The following SOX5 variants were observed in gnomAD, a reference collection of about 807,000 sequenced individuals.
SOX5 encodes SRY-box transcription factor 5.
SOX5 carries 9 observed loss-of-function variants against 92.0 expected under a neutral mutation model. The ratio of observed to expected loss-of-function variants is 0.10; its 90% CI spans 0.06 to 0.17. The LOEUF (loss-of-function observed/expected upper bound fraction) is 0.17. Ranked by LOEUF, SOX5 falls within the 10% of genes least tolerant of loss-of-function variation. The pLI, the probability that SOX5 is intolerant of heterozygous loss-of-function variation, is 1.00. For synonymous variants in SOX5, 344 were observed against 336.3 expected, an observed-to-expected ratio of 1.02 and a Z score of -0.25; for missense variants, 642 against 944.5, an observed-to-expected ratio of 0.68 and a Z score of 4.20.
At chr12:23,621,132 T>C (rs896874940) in intron 8 of SOX5, among the ~76,000 whole-genome samples, 5 of 152,050 alleles carry the variant, frequency 3.3e-5, no homozygotes, top group Non-Finnish European at 5.9e-5. Flanking sequence ...AGAACTAAAG[T>C]CATTCTTAAA....
At chr12:23,770,441 C>G (rs1433630570) in intron 3 of SOX5, among the ~76,000 whole-genome samples, 2 of 152,162 alleles carry the variant, frequency 1.3e-5, no homozygotes, top group East Asian at 1.9e-4. Flanking sequence ...AATTCAAACA[C>G]TGTGTGTGTG....
At chr12:24,449,161 G>A (rs112509460) in intron 1 of SOX5, among the ~76,000 whole-genome samples, 2,090 of 152,186 alleles carry the variant, frequency 0.014, 17 homozygotes, top group Non-Finnish European at 0.023. Flanking sequence ...CAATCAGAGG[G>A]AAGACTACAC....
intron 4 of SOX5, among the ~76,000 whole-genome samples, chr12:23,979,331 C>A (rs549911316): frequency 1.8e-4 from 27 of 152,102 alleles, no homozygotes; most frequent in Non-Finnish European, 3.5e-4. Context: ...TCAAGTGATT[C>A]TCCTGCCTTA....
intron 2 of SOX5, among the ~76,000 whole-genome samples, chr12:24,299,638 G>A (rs1040338525): frequency 3.0e-4 from 46 of 152,270 alleles, no homozygotes; most frequent in African/African-American, 1.1e-3. Flanking sequence ...AGTTTATGTG[G>A]TAGCATTTTT....
At chr12:24,096,908 C>T (rs1196578711) in intron 4 of SOX5, among the ~76,000 whole-genome samples, 1 of 152,000 alleles carries the variant, frequency 6.6e-6, no homozygotes, top group Non-Finnish European at 1.5e-5. Context: ...GAATTGCTAT[C>T]CCATATGGTA....
intron 11 of SOX5, among the ~76,000 whole-genome samples, chr12:23,548,388 C>A (rs981379173): frequency 5.9e-5 from 9 of 151,906 alleles, no homozygotes; most frequent in African/African-American, 2.2e-4. Flanking sequence ...ACTAATGCAC[C>A]CAATATTAAT....
At chr12:24,552,022 G>T (rs903395061) in intron 1 of SOX5, among the ~76,000 whole-genome samples, 9 of 152,076 alleles carry the variant, frequency 5.9e-5, no homozygotes, top group Non-Finnish European at 1.0e-4. Flanking sequence ...CTTCAGTCTG[G>T]CCTGTTAAAA....
chr12:24,501,280 TC>T (rs1263270582), intron 1 of SOX5, among the ~76,000 whole-genome samples: 3 of 151,640 alleles, frequency 2.0e-5, no homozygotes, highest in African/African-American at 7.3e-5. Context: ...TGCATTATTT[TC>T]CACAAAGATG....
chr12:23,809,450 A>T (rs1346018198), intron 3 of SOX5, among the ~76,000 whole-genome samples: 2 of 152,080 alleles, frequency 1.3e-5, no homozygotes, highest in Non-Finnish European at 2.9e-5. Context: ...AATTTATTCA[A>T]CACCAGTATT....
chr12:23,762,612 A>AG, intron 3 of SOX5: 1 of 429,226 alleles, frequency 2.3e-6, no homozygotes, highest in South Asian at 2.9e-5. Flanking sequence ...TAATACAAAA[A>AG]GAAAAAAAAA....
intron 1 of SOX5, among the ~76,000 whole-genome samples, chr12:24,434,043 C>T (rs1938921197): frequency 3.9e-5 from 6 of 152,142 alleles, no homozygotes; most frequent in Admixed American, 3.9e-4. Context: ...AGAACAGTCT[C>T]TCGGAATCAA....
At chr12:24,374,710 C>A (rs769875100) in intron 1 of SOX5, among the ~76,000 whole-genome samples, 3 of 152,126 alleles carry the variant, frequency 2.0e-5, no homozygotes, top group Non-Finnish European at 2.9e-5. Context: ...AGGGTAGAGA[C>A]CAGATTAGGG....
intron 1 of SOX5, among the ~76,000 whole-genome samples, chr12:24,536,698 T>C (rs542604651): frequency 6.6e-6 from 1 of 152,292 alleles, no homozygotes; most frequent in Non-Finnish European, 1.5e-5. Context: ...CTAGCACCAG[T>C]TCTTGAAAAC....
chr12:24,317,164 A>G (rs1949770306), intron 2 of SOX5, among the ~76,000 whole-genome samples: 1 of 152,222 alleles, frequency 6.6e-6, no homozygotes, highest in Non-Finnish European at 1.5e-5. Context: ...AACAATGAGC[A>G]CTGACTATAA....
chr12:24,014,105 T>A (rs1443573418), intron 4 of SOX5, among the ~76,000 whole-genome samples: 1 of 152,180 alleles, frequency 6.6e-6, no homozygotes, highest in Non-Finnish European at 1.5e-5. Context: ...TACTTTCCTT[T>A]TATTAGCAAT....
intron 2 of SOX5, among the ~76,000 whole-genome samples, chr12:23,849,752 A>G (rs1245675447): frequency 6.6e-6 from 1 of 152,174 alleles, no homozygotes; most frequent in East Asian, 1.9e-4. Context: ...GTCCATCCAA[A>G]TATCTACTGG....
At chr12:23,718,515 G>A (rs1055778085) in intron 6 of SOX5, among the ~76,000 whole-genome samples, 5 of 152,116 alleles carry the variant, frequency 3.3e-5, no homozygotes, top group African/African-American at 1.2e-4. Flanking sequence ...AGTTGAACTA[G>A]GATGATTGCA....
At chr12:23,664,622 CA>C (rs769739319) in intron 7 of SOX5, among the ~76,000 whole-genome samples, 18 of 151,934 alleles carry the variant, frequency 1.2e-4, no homozygotes, top group Non-Finnish European at 2.2e-4. Context: ...TAACAATGTG[CA>C]ATTTATATTT....
chr12:24,104,866 C>A (rs1287613835), intron 4 of SOX5, among the ~76,000 whole-genome samples: 1 of 152,176 alleles, frequency 6.6e-6, no homozygotes, highest in Non-Finnish European at 1.5e-5. Flanking sequence ...CAATTTGGAA[C>A]CTTGATCACC....
Sources: allele counts gnomAD v4.1 joint callset (sites outside exome capture counted in the v4.1 genomes callset), GRCh38; gene constraint gnomAD v4.1.1; transcripts MANE v1.5; gene names NCBI Gene and HGNC (gene_info 2026-07-23, HGNC 2026-07-21).